ANKRD44: variants seen among roughly 807,000 people sequenced by gnomAD.
ANKRD44 encodes the protein serine/threonine-protein phosphatase 6 regulatory ankyrin repeat subunit B.
Under a neutral mutation model 116.0 loss-of-function variants are expected in ANKRD44, and 35 were observed. The ratio of observed to expected loss-of-function variants is 0.30; its 90% CI spans 0.23 to 0.40. ANKRD44 has a LOEUF of 0.40. Ranked by LOEUF, ANKRD44 falls within the 10% of genes least tolerant of loss-of-function variation. The pLI is 1.00. For synonymous variants in ANKRD44, 435 were observed against 461.8 expected (o/e 0.94, Z 0.74); for missense variants, 1,014 against 1,242.6 (o/e 0.82, Z 2.77).
intron 12 of ANKRD44, 109 bp from the exon 13 acceptor site, chr2:197,086,857 TGGTCTAAA>T: frequency 1.1e-6 from 1 of 935,980 alleles, no homozygotes; most frequent in Non-Finnish European, 1.6e-6. Context: ...AGATAGCTCC[TGGTCTAAA>T]TTCCGCTAAT....
At chr2:197,147,671 T>C (rs1003404750) in intron 2 of ANKRD44, among the ~76,000 whole-genome samples, 2 of 152,006 alleles carry the variant, frequency 1.3e-5, no homozygotes, top group African/African-American at 4.8e-5. Flanking sequence ...GAGGGATGAC[T>C]ACAACAGGCC....
chr2:197,276,549 T>C (rs546108222), intron 1 of ANKRD44, among the ~76,000 whole-genome samples: 3 of 152,172 alleles, frequency 2.0e-5, no homozygotes, highest in Admixed American at 6.5e-5. Flanking sequence ...AACTGATTTA[T>C]GAGCAAAAAT....
intron 1 of ANKRD44, among the ~76,000 whole-genome samples, chr2:197,280,858 T>G (rs1232290077): frequency 6.6e-6 from 1 of 152,182 alleles, no homozygotes; most frequent in African/African-American, 2.4e-5. Context: ...CTCACTACTG[T>G]CTAGCTAAAC....
At chr2:196,968,650 A>G (rs1007261618) in intron 21 of ANKRD44, among the ~76,000 whole-genome samples, 1 of 152,154 alleles carries the variant, frequency 6.6e-6, no homozygotes, top group Non-Finnish European at 1.5e-5. Flanking sequence ...CAGCTCTCTG[A>G]ACATACCTCA....
chr2:197,215,573 C>T (rs1295052437), intron 1 of ANKRD44, among the ~76,000 whole-genome samples: 1 of 152,074 alleles, frequency 6.6e-6, no homozygotes, highest in African/African-American at 2.4e-5. Flanking sequence ...CCTCAAATGG[C>T]TTCAATTAAA....
chr2:197,236,253 A>G (rs879188844), intron 1 of ANKRD44, among the ~76,000 whole-genome samples: 1 of 152,168 alleles, frequency 6.6e-6, no homozygotes, highest in African/African-American at 2.4e-5. Flanking sequence ...GATACAGTCA[A>G]AAACTATCAC....
At chr2:197,274,108 C>CTGAA (rs1272544503) in intron 1 of ANKRD44, among the ~76,000 whole-genome samples, 2 of 148,482 alleles carry the variant, frequency 1.3e-5, no homozygotes, top group African/African-American at 5.0e-5. Flanking sequence ...AACCAAATGA[C>CTGAA]TGAATGAATG....
At chr2:197,286,872 G>T (rs1264667584) in intron 1 of ANKRD44, among the ~76,000 whole-genome samples, 1 of 152,016 alleles carries the variant, frequency 6.6e-6, no homozygotes, top group Non-Finnish European at 1.5e-5. Context: ...TTATCCAACG[G>T]TATAACATTC....
chr2:197,256,963 G>C (rs1463991745), intron 1 of ANKRD44, among the ~76,000 whole-genome samples: 1 of 152,060 alleles, frequency 6.6e-6, no homozygotes, highest in East Asian at 1.9e-4. Context: ...TCATGCTTTG[G>C]GTGCCTCAGG....
At chr2:197,139,530 G>C (rs1029381379) in intron 3 of ANKRD44, among the ~76,000 whole-genome samples, 2 of 152,106 alleles carry the variant, frequency 1.3e-5, no homozygotes, top group Non-Finnish European at 2.9e-5. Flanking sequence ...TCTGGATAGT[G>C]ACTGCGTCTA....
chr2:197,107,391 A>G lies in ANKRD44; in HGVS notation c.985+3375T>C, dbSNP rs1165870488. On this transcript the variant is annotated intron_variant, in intron 9 of 27. Transcript: ENST00000282272. ...GCCAATGGTGAGGTCAAATGCCTTC[A>G]GACACCAGATGCTGTCTTTGGTCAG... is the stretch of plus-strand genomic sequence containing the variant. 2.0e-5 allele frequency among the ~76,000 whole-genome samples: 3 copies of G among 152,208 alleles called. No homozygotes were observed. In the East Asian group the frequency reaches 5.8e-4, roughly 29 times the overall value.
At chr2:197,262,533 G>A (rs1210627847) in intron 1 of ANKRD44, among the ~76,000 whole-genome samples, 1 of 152,184 alleles carries the variant, frequency 6.6e-6, no homozygotes, top group African/African-American at 2.4e-5. Context: ...GAAATTCCAC[G>A]TAAAAATTTC....
intron 1 of ANKRD44, among the ~76,000 whole-genome samples, chr2:197,249,285 G>A (rs2082266474): frequency 6.6e-6 from 1 of 151,950 alleles, no homozygotes; most frequent in Non-Finnish European, 1.5e-5. Flanking sequence ...AAAATGTACA[G>A]AAATAAAAAA....
chr2:197,056,840 C>T (rs1318799826), intron 16 of ANKRD44, among the ~76,000 whole-genome samples: 2 of 152,106 alleles, frequency 1.3e-5, no homozygotes, highest in African/African-American at 4.8e-5. Context: ...AGATTTATTT[C>T]TCCTATATGC....
chr2:197,245,301 C>T (rs551052139), intron 1 of ANKRD44, among the ~76,000 whole-genome samples: 24 of 152,074 alleles, frequency 1.6e-4, no homozygotes, highest in South Asian at 2.1e-4. Flanking sequence ...AGTATAACAA[C>T]GGTTTACATA....
chr2:197,060,418 G>A (rs575082128), intron 16 of ANKRD44, among the ~76,000 whole-genome samples: 3 of 152,246 alleles, frequency 2.0e-5, no homozygotes, highest in African/African-American at 4.8e-5. Flanking sequence ...AGAAAAAATT[G>A]CATGTATTTA....
rs765824275 is a variant in ANKRD44, at chr2:196,989,593, ATTC to A, written c.2977_2979del (p.Glu993del). On this transcript the variant is annotated inframe_deletion, in exon 28 of 28. Coordinates refer to ENST00000282272, the MANE Select transcript of ANKRD44 (RefSeq NM_001195144.2). ...ATGTGCATAATTTTTAAAGAGTCTC[ATTC>A]TTCTTTTTGTACAGCGGTTCCAGGT... 6.5e-7 allele frequency: 1 copy of A among 1,549,810 alleles called. No homozygotes were observed. The highest frequency in any genetic ancestry group is 1.2e-5 in the South Asian group (1 of 84,044).
intron 1 of ANKRD44, among the ~76,000 whole-genome samples, chr2:197,248,578 G>GTGTATATATATATATATATATATATA (rs544362365): frequency 9.0e-5 from 13 of 144,222 alleles, no homozygotes; most frequent in African/African-American, 2.7e-4. Flanking sequence ...GTGTGTGTGT[G>GTGTATATATATATATATATATATATA]TATATATATA....
At chr2:197,284,523 C>T (rs2083352294) in intron 1 of ANKRD44, among the ~76,000 whole-genome samples, 1 of 137,688 alleles carries the variant, frequency 7.3e-6, no homozygotes, top group Non-Finnish European at 1.6e-5. Flanking sequence ...CACACACACA[C>T]ACACACACAC....
Sources: allele counts gnomAD v4.1 joint callset (sites outside exome capture counted in the v4.1 genomes callset), GRCh38; gene constraint gnomAD v4.1.1; transcripts MANE v1.5; gene names NCBI Gene and HGNC (gene_info 2026-07-23, HGNC 2026-07-21).